ASIC2: variants seen among roughly 807,000 people sequenced by gnomAD.
ASIC2 encodes acid sensing ion channel subunit 2, also known as acid-sensing ion channel 2.
ASIC2 carries 25 observed loss-of-function variants against 57.3 expected under a neutral mutation model. The ratio of observed to expected loss-of-function variants is 0.44; its 90% CI spans 0.32 to 0.61. The LOEUF is 0.61. ASIC2 is among the 20% of genes least tolerant of loss of function. The pLI is 0.06. For synonymous variants in ASIC2, 319 were observed against 307.5 expected (o/e 1.04, Z -0.39); for missense variants, 641 against 738.1 (o/e 0.87, Z 1.52).
intron 1 of ASIC2, among the ~76,000 whole-genome samples, chr17:33,498,572 G>C (rs1207077883): frequency 1.3e-5 from 2 of 152,168 alleles, no homozygotes; most frequent in Non-Finnish European, 2.9e-5. Flanking sequence ...CTGGGGGAAA[G>C]AGTGCAGAGG....
At chr17:34,121,323 T>C (rs1911614293) in intron 1 of ASIC2, among the ~76,000 whole-genome samples, 1 of 152,172 alleles carries the variant, frequency 6.6e-6, no homozygotes, top group Non-Finnish European at 1.5e-5. Context: ...GCTTAGGAAA[T>C]GAATGCACCC....
intron 1 of ASIC2, among the ~76,000 whole-genome samples, chr17:33,470,869 G>A (rs1913028795): frequency 7.1e-6 from 1 of 141,444 alleles, no homozygotes; most frequent in Admixed American, 6.9e-5. Flanking sequence ...TGTGGGCCCT[G>A]CTTCTCAGTT....
At chr17:33,798,960 C>T (rs938712858) in intron 1 of ASIC2, among the ~76,000 whole-genome samples, 16 of 152,118 alleles carry the variant, frequency 1.1e-4, no homozygotes, top group African/African-American at 2.9e-4. Flanking sequence ...GCTGGGACTG[C>T]GAAGTCTGTG....
chr17:33,908,595 C>T (rs1439739497), intron 1 of ASIC2, among the ~76,000 whole-genome samples: 2 of 152,210 alleles, frequency 1.3e-5, no homozygotes, highest in African/African-American at 4.8e-5. Context: ...CCTTGAAACA[C>T]ATATCACTAC....
chr17:33,890,204 T>A (rs1260678602), intron 1 of ASIC2, among the ~76,000 whole-genome samples: 1 of 152,218 alleles, frequency 6.6e-6, no homozygotes, highest in Non-Finnish European at 1.5e-5. Context: ...AGTGCAGGGT[T>A]AATCCTTGCT....
chr17:33,637,074 C>T, intron 1 of ASIC2, among the ~76,000 whole-genome samples: 1 of 152,036 alleles, frequency 6.6e-6, no homozygotes, highest in Non-Finnish European at 1.5e-5. Context: ...ACTATTGTCC[C>T]TATGCAAGAT....
At position 33,335,704 on chromosome 17, in the gene ASIC2, G is replaced by C. The variant is rs766776181; in HGVS notation, c.556-223637C>G. Among the ~76,000 whole-genome samples the C allele has an allele frequency of 2.0e-5, 3 of 152,174 alleles. No individual in the cohort carries two copies. The East Asian group carries it at 5.8e-4, about 29-fold the overall frequency. ...GATGGCAGAAGCAGGTCCAAGCAGT[G>C]GTACCACAGCTGAGATGCTGTAGCC... is the stretch of plus-strand genomic sequence containing the variant. On this transcript the variant is annotated intron_variant, in intron 1 of 9. Coordinates refer to the ASIC2 transcript ENST00000359872.
intron 3 of ASIC2, among the ~76,000 whole-genome samples, chr17:33,077,013 C>T (rs2092091455): frequency 6.6e-6 from 1 of 152,012 alleles, no homozygotes; most frequent in Non-Finnish European, 1.5e-5. Flanking sequence ...GTGCCACATC[C>T]CCACCCATCT....
At chr17:33,633,407 C>T (rs1029982685) in intron 1 of ASIC2, among the ~76,000 whole-genome samples, 2 of 152,142 alleles carry the variant, frequency 1.3e-5, no homozygotes, top group Non-Finnish European at 2.9e-5. Context: ...AAGGAAGGAC[C>T]GGTTAGAAAA....
chr17:33,333,513 T>C (rs1003148078), intron 1 of ASIC2, among the ~76,000 whole-genome samples: 1 of 152,198 alleles, frequency 6.6e-6, no homozygotes, highest in Non-Finnish European at 1.5e-5. Context: ...TATAAAAATA[T>C]CTCAACTCAG....
chr17:33,474,705 G>C (rs888973042), intron 1 of ASIC2, among the ~76,000 whole-genome samples: 1 of 152,188 alleles, frequency 6.6e-6, no homozygotes, highest in Admixed American at 6.5e-5. Flanking sequence ...GAAGCTCAAG[G>C]GCAAGGGAGC....
chr17:33,051,130 T>C (rs968834814), intron 3 of ASIC2, among the ~76,000 whole-genome samples: 2 of 152,118 alleles, frequency 1.3e-5, no homozygotes, highest in African/African-American at 2.4e-5. Flanking sequence ...CAGAGACCCA[T>C]TGAGAGATTT....
chr17:33,931,975 G>A (rs1341918077), intron 1 of ASIC2, among the ~76,000 whole-genome samples: 1 of 152,230 alleles, frequency 6.6e-6, no homozygotes, highest in East Asian at 1.9e-4. Flanking sequence ...GAGCCATGCT[G>A]GGTCTGTCGG....
At chr17:33,447,531 A>C (rs1912071614) in intron 1 of ASIC2, among the ~76,000 whole-genome samples, 1 of 152,188 alleles carries the variant, frequency 6.6e-6, no homozygotes, top group Non-Finnish European at 1.5e-5. Context: ...GAGATGAGTG[A>C]GGCTTAGCAA....
chr17:33,288,997 C>T (rs1905307580), intron 1 of ASIC2, among the ~76,000 whole-genome samples: 1 of 152,116 alleles, frequency 6.6e-6, no homozygotes, highest in African/African-American at 2.4e-5. Context: ...TCCTGACAGG[C>T]CTGCTGTATA....
chr17:33,121,631 A>T (rs7213812), intron 1 of ASIC2, among the ~76,000 whole-genome samples: 1 of 152,038 alleles, frequency 6.6e-6, no homozygotes. Flanking sequence ...CTATCTGCTC[A>T]TCATTCCAGC....
chr17:33,272,265 T>C (rs1904524702), intron 1 of ASIC2, among the ~76,000 whole-genome samples: 1 of 152,238 alleles, frequency 6.6e-6, no homozygotes, highest in Non-Finnish European at 1.5e-5. Flanking sequence ...CATTTGTTTA[T>C]ATGTTTACCA....
intron 1 of ASIC2, among the ~76,000 whole-genome samples, chr17:33,685,971 C>T (rs1425437172): frequency 2.0e-5 from 3 of 152,188 alleles, no homozygotes; most frequent in Admixed American, 1.3e-4. Flanking sequence ...ACCAGGGACT[C>T]GCTCACACTT....
chr17:33,661,947 C>A (rs145399006), intron 1 of ASIC2, among the ~76,000 whole-genome samples: 6 of 152,190 alleles, frequency 3.9e-5, no homozygotes, highest in Non-Finnish European at 5.9e-5. Flanking sequence ...TTCGCTCTGT[C>A]CCCCTCTACT....
Sources: allele counts gnomAD v4.1 joint callset (sites outside exome capture counted in the v4.1 genomes callset), GRCh38; gene constraint gnomAD v4.1.1; transcripts MANE v1.5; gene names NCBI Gene and HGNC (gene_info 2026-07-23, HGNC 2026-07-21).